The following FMN1 variants were observed in gnomAD, a reference collection of about 807,000 sequenced individuals.
FMN1 encodes the protein formin-1.
A neutral mutation model predicts 132.4 loss-of-function variants in FMN1; 110 were observed. That is an observed-to-expected ratio of 0.83 (90% confidence interval 0.71 to 0.97). The LOEUF is 0.97. Among genes scored for constraint, FMN1 ranks in the 50% least tolerant of loss-of-function variants. FMN1 has a pLI of 0.00. For missense variants in FMN1, 1,792 were observed against 1,705.3 expected (o/e 1.05, Z -0.90); for synonymous variants, 722 against 651.7 (o/e 1.11, Z -1.64).
intron 17 of FMN1, among the ~76,000 whole-genome samples, chr15:32,844,868 A>G (rs1219622651): frequency 1.3e-5 from 2 of 152,256 alleles, no homozygotes; most frequent in African/African-American, 2.4e-5. Flanking sequence ...GCTGATATAC[A>G]TAGTGCCAGG....
At position 33,082,023 on chromosome 15, in the gene FMN1, GTGTGTGTGT is replaced by G. The variant is rs1566899162; in HGVS notation, c.2043+6767_2043+6775del. Among the ~76,000 whole-genome samples, 40 of 71,928 alleles carry G rather than the reference GTGTGTGTGT, an allele frequency of 5.6e-4. 1 individual carries two copies. Among genetic ancestry groups the G allele is most frequent in the African/African-American group, 1.6e-3 (33 of 21,280 alleles). 47.2% of individuals were successfully genotyped at this position (71,928 alleles called of 152,430 possible). A position where few individuals can be genotyped will look rare whatever the true frequency, so the allele number is the denominator to read the frequency against. On this transcript the variant is annotated intron_variant, in intron 5 of 20. Transcript: ENST00000616417. ...GAATCAACAAGAAGAGTTCAGGGGT[GTGTGTGTGT>G]GTGTGTGTGTGTGTGTGTGTGTAAG...
chr15:32,889,047 G>GT (rs2059963309), intron 15 of FMN1, among the ~76,000 whole-genome samples: 1 of 152,002 alleles, frequency 6.6e-6, no homozygotes, highest in Admixed American at 6.6e-5. Context: ...AGAGACGGGG[G>GT]TCTCACCATG....
chr15:33,096,680 G>A (rs2039097459), intron 4 of FMN1, among the ~76,000 whole-genome samples: 1 of 151,726 alleles, frequency 6.6e-6, no homozygotes, highest in South Asian at 2.1e-4. Flanking sequence ...GATCACTGCA[G>A]CCTTGACCTC....
At chr15:32,976,758 T>C (rs568135689) in intron 7 of FMN1, among the ~76,000 whole-genome samples, 97 of 152,180 alleles carry the variant, frequency 6.4e-4, no homozygotes, top group Non-Finnish European at 1.2e-3. Context: ...GATATGAAGC[T>C]GACTCCGAGT....
At chr15:32,901,783 A>T in intron 13 of FMN1, 128 bp downstream of exon 13, 2 of 674,562 alleles carry the variant, frequency 3.0e-6, no homozygotes, top group Non-Finnish European at 4.5e-6. Flanking sequence ...TAATCATCAA[A>T]TTTACACTTA....
chr15:32,912,946 A>AT (rs1168859061), intron 10 of FMN1, among the ~76,000 whole-genome samples: 3 of 152,216 alleles, frequency 2.0e-5, no homozygotes, highest in African/African-American at 7.2e-5. Context: ...AGCTATTACT[A>AT]TCATGATTTC....
rs371782453 is a variant in FMN1 at position 33,183,910 on chromosome 15, A to G, written c.-196-3648T>C. On this transcript the variant is annotated intron_variant, in intron 2 of 20. Transcript: ENST00000616417. ...CTGATACTGTCTAAAGAAGACACTA[A>G]TTTATAAAAACAGCAATATAATCAC... Among the ~76,000 whole-genome samples, 11 of 152,324 alleles carry G rather than the reference A, an allele frequency of 7.2e-5. No homozygotes were observed. The East Asian group carries it at 2.1e-3, about 29-fold the overall frequency.
Position 32,917,046 on chromosome 15 carries a change from A to C in FMN1, c.3227-6511T>G, listed in dbSNP as rs190052207. On this transcript the variant is annotated intron_variant, in intron 10 of 20. Transcript: ENST00000616417. ...AGTAGTACAATCTGAGAGTTGAGGA[A>C]AGGGAAGGCAGAAACATCTTCCCAC... 2.4e-3 allele frequency among the ~76,000 whole-genome samples: 372 copies of C among 152,264 alleles called. 2 individuals are homozygous for C. The highest frequency in any genetic ancestry group is 8.3e-3 in the African/African-American group (346 of 41,572).
At chr15:33,026,524 A>G (rs12911499) in intron 6 of FMN1, among the ~76,000 whole-genome samples, 4,259 of 152,176 alleles carry the variant, frequency 0.028, 82 homozygotes, top group African/African-American at 0.043. Flanking sequence ...CAAACAATAT[A>G]TAAAGTACTT....
At chr15:32,963,985 TGTATAG>T (rs1481462460) in intron 9 of FMN1, 116 bp downstream of exon 9, 1 of 533,602 alleles carries the variant, frequency 1.9e-6, no homozygotes, top group African/African-American at 2.1e-5. Context: ...CACACATATA[TGTATAG>T]GTATGTGTGT....
At chr15:32,898,579 G>A (rs913210291) in intron 15 of FMN1, among the ~76,000 whole-genome samples, 3 of 152,178 alleles carry the variant, frequency 2.0e-5, no homozygotes, top group African/African-American at 7.2e-5. Flanking sequence ...ATAAAGCACT[G>A]AGGCAGCTAG....
At chr15:33,129,414 G>A (rs916900843) in intron 4 of FMN1, among the ~76,000 whole-genome samples, 3 of 152,174 alleles carry the variant, frequency 2.0e-5, no homozygotes, top group African/African-American at 7.2e-5. Flanking sequence ...CCAAAACACT[G>A]TTGAAATCTG....
chr15:33,124,015 T>G (rs1159405686), intron 4 of FMN1, among the ~76,000 whole-genome samples: 1 of 152,190 alleles, frequency 6.6e-6, no homozygotes, highest in Non-Finnish European at 1.5e-5. Context: ...GTCCCAACTA[T>G]TCCAGCAAAG....
At position 32,868,195 on chromosome 15, in the gene FMN1, C is replaced by T. The variant is rs151317937; in HGVS notation, c.3836-11088G>A. Among the ~76,000 whole-genome samples, 448 of 152,238 alleles carry T rather than the reference C, an allele frequency of 2.9e-3. 4 individuals carry two copies. The highest frequency in any genetic ancestry group is 0.01 in the African/African-American group (426 of 41,536). On this transcript the variant is annotated intron_variant, in intron 16 of 20. Coordinates refer to ENST00000616417, the MANE Select transcript of FMN1 (RefSeq NM_001277313.2). ...TTCTGATAGTCCGGTGATGATGTAGCCTTTGTAACACTGTAGAGCAAGGCA... is the reference window on the plus strand; with the variant it reads ...TTCTGATAGTCCGGTGATGATGTAGTCTTTGTAACACTGTAGAGCAAGGCA...
At chr15:33,067,304 C>A (rs1221572243) in intron 5 of FMN1, 1 of 1,613,910 alleles carries the variant, frequency 6.2e-7, no homozygotes. Flanking sequence ...ATTCATTTCC[C>A]CAGTGACAGT....
At chr15:33,187,585 A>G (rs144222825) in intron 2 of FMN1, among the ~76,000 whole-genome samples, 3 of 152,330 alleles carry the variant, frequency 2.0e-5, no homozygotes, top group African/African-American at 7.2e-5. Context: ...TCTGTGGGTC[A>G]AGCTCCAATG....
intron 10 of FMN1, among the ~76,000 whole-genome samples, chr15:32,923,582 T>C (rs1396438047): frequency 6.6e-6 from 1 of 152,216 alleles, no homozygotes; most frequent in Non-Finnish European, 1.5e-5. Context: ...AAGTCTGTGA[T>C]GCTACAGTCA....
intron 17 of FMN1, among the ~76,000 whole-genome samples, chr15:32,821,469 T>G (rs1177973691): frequency 1.1e-4 from 16 of 143,032 alleles, no homozygotes; most frequent in African/African-American, 3.8e-4. Flanking sequence ...TTTTTTTTTT[T>G]GAGATGGAGT....
chr15:33,056,859 GTTAA>G (rs1286092549), intron 6 of FMN1, among the ~76,000 whole-genome samples: 1 of 152,194 alleles, frequency 6.6e-6, no homozygotes, highest in Admixed American at 6.5e-5. Context: ...CACAAAATGA[GTTAA>G]TTTATATTAA....
Sources: allele counts gnomAD v4.1 joint callset (sites outside exome capture counted in the v4.1 genomes callset), GRCh38; gene constraint gnomAD v4.1.1; transcripts MANE v1.5; gene names NCBI Gene and HGNC (gene_info 2026-07-23, HGNC 2026-07-21).